NEDD4: variants seen among roughly 807,000 people sequenced by gnomAD.
NEDD4 encodes E3 ubiquitin-protein ligase NEDD4.
A neutral mutation model predicts 144.9 loss-of-function variants in NEDD4; 99 were observed. The observed-to-expected ratio is 0.68, with a 90% CI of 0.58 to 0.81. NEDD4 has a LOEUF of 0.81. NEDD4 is among the 30% of genes least tolerant of loss of function. The pLI is 0.00. For missense variants in NEDD4, 985 were observed against 1,065.9 expected, an observed-to-expected ratio of 0.92 and a Z score of 1.06; for synonymous variants, 318 against 350.6, an observed-to-expected ratio of 0.91 and a Z score of 1.04.
Position 55,927,096 on chromosome 15 carries a change from AAAAG to A in NEDD4, c.238-2401_238-2398del, listed in dbSNP as rs1566955468. Among the ~76,000 whole-genome samples the A allele has an allele frequency of 3.3e-3, 466 of 142,530 alleles. 7 individuals carry two copies. Among genetic ancestry groups the A allele is most frequent in the Middle Eastern group, 7.4e-3 (2 of 270 alleles). 93.5% of individuals were successfully genotyped at this position (142,530 alleles called of 152,430 possible). ...ACGTCTCAAAAAAAAAAAAAAAAAA[AAAAG>A]AAAGAAAGAAAAAGAAAAACAGTGT... is the stretch of plus-strand genomic sequence containing the variant. On this transcript the variant is annotated intron_variant, in intron 4 of 28. Transcript: ENST00000435532.
intron 2 of NEDD4, among the ~76,000 whole-genome samples, chr15:55,965,481 G>A (rs576736896): frequency 1.7e-4 from 26 of 152,272 alleles, no homozygotes; most frequent in African/African-American, 6.0e-4. Context: ...TTCTTAGGCA[G>A]TGACTGTGAT....
At chr15:55,867,697 T>G (rs926825664) in intron 8 of NEDD4, among the ~76,000 whole-genome samples, 53 of 152,166 alleles carry the variant, frequency 3.5e-4, no homozygotes, top group African/African-American at 1.2e-3. Context: ...GTTAATCAAA[T>G]AAGTGAAGAG....
chr15:55,900,407 C>G (rs527755528), intron 5 of NEDD4, among the ~76,000 whole-genome samples: 2 of 152,152 alleles, frequency 1.3e-5, no homozygotes, highest in African/African-American at 2.4e-5. Context: ...CTACTGGTCC[C>G]TGCAGGCTGG....
chr15:55,980,947 C>A (rs776643125), intron 1 of NEDD4, among the ~76,000 whole-genome samples: 7 of 151,260 alleles, frequency 4.6e-5, no homozygotes, highest in Non-Finnish European at 7.4e-5. Flanking sequence ...TATAGTGATT[C>A]AGATGTGAAT....
chr15:55,829,853 AT>A lies in NEDD4; in HGVS notation c.*43del. On this transcript the variant is annotated 3_prime_UTR_variant, in exon 29 of 29. Transcript: ENST00000435532. ...AAAATTTTAAGTCAAGATTTTGGTT[AT>A]AAAACTATGGCAGTAAAAACACTAC... The A allele has an allele frequency of 6.8e-7, 1 of 1,481,352 alleles. No homozygotes were observed. The highest frequency in any genetic ancestry group is 1.2e-5 in the South Asian group (1 of 81,754). The allele number at this position is 1,481,352 out of a possible 1,614,324, so 91.8% of individuals were successfully genotyped here.
chr15:55,863,032 C>T lies in NEDD4; in HGVS notation c.555G>A (p.Gln185=). The T allele has an allele frequency of 5.0e-6, 8 of 1,603,716 alleles. No individual in the cohort carries two copies. In the South Asian group the frequency reaches 5.6e-5, roughly 11 times the overall value. Residue 185 remains glutamine, a synonymous_variant, in exon 9 of 29, where the codon CAG becomes CAA. Transcript: ENST00000435532. The stretch of plus-strand genomic sequence containing the variant: ...GTAGAGGAGAAGGTTCTTGTTGTTG[C>T]TGCAAATGGCAAGCAGCATCTGGTT... The part of the protein sequence containing the change: ...LDQPDAACHL[Q]QQQEPSPLPP...
At chr15:55,884,127 A>C (rs2035302580) in intron 5 of NEDD4, among the ~76,000 whole-genome samples, 1 of 151,938 alleles carries the variant, frequency 6.6e-6, no homozygotes, top group Non-Finnish European at 1.5e-5. Flanking sequence ...TGATCCACCC[A>C]CCTTGGCCTC....
chr15:55,950,101 C>G (rs1178346445), intron 4 of NEDD4, among the ~76,000 whole-genome samples: 1 of 152,046 alleles, frequency 6.6e-6, no homozygotes, highest in Non-Finnish European at 1.5e-5. Context: ...GCAATCAAAA[C>G]CAGACATTAT....
At chr15:55,850,446 T>C (rs2033937814) in intron 14 of NEDD4, 96 bp downstream of exon 14, 4 of 1,093,580 alleles carry the variant, frequency 3.7e-6, no homozygotes, top group Non-Finnish European at 5.4e-6. Flanking sequence ...TTAGGAAACA[T>C]AGGTTATACT....
At chr15:55,893,841 T>C (rs1407124980) in intron 5 of NEDD4, among the ~76,000 whole-genome samples, 1 of 149,902 alleles carries the variant, frequency 6.7e-6, no homozygotes, top group Non-Finnish European at 1.5e-5. Context: ...CAAAAATCAC[T>C]GTAAATTTAA....
At chr15:55,970,789 A>C (rs1258323932) in intron 1 of NEDD4, among the ~76,000 whole-genome samples, 6 of 152,340 alleles carry the variant, frequency 3.9e-5, no homozygotes, top group African/African-American at 1.2e-4. Flanking sequence ...TTCCCTCTGA[A>C]TACTTGGAAA....
At chr15:55,860,812 T>C (rs1479895574) in intron 9 of NEDD4, 34 bp from the exon 10 acceptor site, 2 of 1,543,356 alleles carry the variant, frequency 1.3e-6, no homozygotes, top group Admixed American at 3.6e-5. Flanking sequence ...ATCATCCATG[T>C]CTTAAGTAGT....
At position 55,830,015 on chromosome 15, in the gene NEDD4, G is replaced by A; in HGVS notation, c.2601-16C>T. Reference sequence around the variant, plus strand: ...GCGATTAAAACTGAAAGAACAGAGAGGAAGTGGTTATGAAAGACACTGACA... The same window carrying A: ...GCGATTAAAACTGAAAGAACAGAGAAGAAGTGGTTATGAAAGACACTGACA... On this transcript the variant is annotated splice_polypyrimidine_tract_variant and intron_variant, in intron 28 of 28. Coordinates refer to ENST00000435532, the MANE Select transcript of NEDD4 (RefSeq NM_006154.4). 1 of 1,589,072 alleles carries A rather than the reference G, an allele frequency of 6.3e-7. No homozygotes were observed. The highest frequency in any genetic ancestry group is 1.7e-5 in the Admixed American group (1 of 58,862).
chr15:55,899,620 C>T (rs1041318077), intron 5 of NEDD4, among the ~76,000 whole-genome samples: 1 of 152,208 alleles, frequency 6.6e-6, no homozygotes, highest in Non-Finnish European at 1.5e-5. Context: ...GCCATAACCA[C>T]CTAGTACAGC....
rs554182259 is a variant in NEDD4, at chr15:55,901,496, A to C, written c.291+23150T>G. Among the ~76,000 whole-genome samples the C allele has an allele frequency of 9.2e-5, 14 of 152,288 alleles. No individual in the cohort carries two copies. In the East Asian group the frequency reaches 2.3e-3, roughly 25 times the overall value. ...TGACACTGTCCCTAAGAATACATCC[A>C]ATCAAAATTCGTGAGTATAAGTAAA... On this transcript the variant is annotated intron_variant, in intron 5 of 28. Transcript: ENST00000435532.
intron 1 of NEDD4, among the ~76,000 whole-genome samples, chr15:55,983,494 T>C (rs572677678): frequency 9.7e-4 from 143 of 147,650 alleles, no homozygotes; most frequent in Non-Finnish European, 1.7e-3. Context: ...TTCTATTTAC[T>C]CAATGGGGTT....
intron 17 of NEDD4, 22 bp downstream of exon 17, chr15:55,848,350 G>A: frequency 1.9e-6 from 3 of 1,611,304 alleles, no homozygotes; most frequent in Non-Finnish European, 2.5e-6. Flanking sequence ...TCCCATCAGA[G>A]CACACTGGCA....
chr15:55,867,756 G>GA (rs1431758444), intron 8 of NEDD4, among the ~76,000 whole-genome samples: 1 of 152,144 alleles, frequency 6.6e-6, no homozygotes, highest in Non-Finnish European at 1.5e-5. Flanking sequence ...GTGATTTGAA[G>GA]AAAAAAGGTT....
Position 55,829,772 on chromosome 15 carries a change from A to T in NEDD4, c.*125T>A. 1.6e-6 allele frequency: 1 copy of T among 612,972 alleles called. No individual in the cohort carries two copies. Among genetic ancestry groups the T allele is most frequent in the Non-Finnish European group, 2.9e-6 (1 of 350,200 alleles). 38.0% of individuals were successfully genotyped at this position (612,972 alleles called of 1,614,324 possible). A position where few individuals can be genotyped will look rare whatever the true frequency, so the allele number is the denominator to read the frequency against. ...TACTATTTCTTCAAATGCTTTTTAT[A>T]TGATTTTCTTCAAGATCTGGGAAGA... On this transcript the variant is annotated 3_prime_UTR_variant, in exon 29 of 29. Coordinates refer to ENST00000435532, the MANE Select transcript of NEDD4 (RefSeq NM_006154.4).
Sources: gnomAD v4.1 joint callset for allele counts (sites outside exome capture counted in the v4.1 genomes callset) on GRCh38, gnomAD v4.1.1 for gene constraint, MANE v1.5 for transcripts, NCBI Gene and HGNC (gene_info 2026-07-23, HGNC 2026-07-21) for gene names.